The following PATJ variants were observed in gnomAD, a reference collection of about 807,000 sequenced individuals.
PATJ encodes PATJ crumbs cell polarity complex component, also known as inaD-like protein.
PATJ carries 190 observed loss-of-function variants against 224.9 expected under a neutral mutation model. That is an observed-to-expected ratio of 0.84 (90% CI 0.75 to 0.95). The LOEUF (loss-of-function observed/expected upper bound fraction) is 0.95, where lower values mean the gene tolerates loss of function less well. Among genes scored for constraint, PATJ ranks in the 40% least tolerant of loss-of-function variants. The pLI is 0.00. For missense variants in PATJ, 2,121 were observed against 2,270.3 expected, an observed-to-expected ratio of 0.93 and a Z score of 1.34; for synonymous variants, 769 against 820.3, an observed-to-expected ratio of 0.94 and a Z score of 1.07.
intron 27 of PATJ, among the ~76,000 whole-genome samples, chr1:61,934,031 G>T (rs565464551): frequency 6.6e-6 from 1 of 152,150 alleles, no homozygotes; most frequent in Admixed American, 6.6e-5. Flanking sequence ...TGCCTCCCGG[G>T]TTCAAGCAAT....
intron 26 of PATJ, among the ~76,000 whole-genome samples, chr1:61,924,747 A>G (rs1257930366): frequency 2.0e-5 from 3 of 152,230 alleles, no homozygotes; most frequent in African/African-American, 7.2e-5. Context: ...TTCACACTCA[A>G]AATGAAAGGT....
At chr1:61,776,689 A>T (rs1437760786) in intron 7 of PATJ, among the ~76,000 whole-genome samples, 1 of 151,420 alleles carries the variant, frequency 6.6e-6, no homozygotes, top group Non-Finnish European at 1.5e-5. Context: ...CTGAAGTTTG[A>T]TGGTTGTCTT....
At chr1:61,928,714 A>G (rs1675587538) in intron 27 of PATJ, among the ~76,000 whole-genome samples, 1 of 152,056 alleles carries the variant, frequency 6.6e-6, no homozygotes, top group Non-Finnish European at 1.5e-5. Context: ...CCTGCCACAT[A>G]GTGAGTCTTT....
At chr1:61,927,931 A>G (rs1246570311) in intron 27 of PATJ, 102 bp downstream of exon 27, 1 of 771,718 alleles carries the variant, frequency 1.3e-6, no homozygotes, top group East Asian at 2.7e-5. Context: ...TTCTTCAAAA[A>G]TGTGCATGAA....
At chr1:62,043,729 G>GC (rs1422649190) in intron 30 of PATJ, among the ~76,000 whole-genome samples, 3 of 151,456 alleles carry the variant, frequency 2.0e-5, no homozygotes, top group Admixed American at 6.6e-5. Context: ...TTTGGTTTGG[G>GC]GGGGGCAGTT....
At chr1:61,814,888 G>T (rs748061420) in intron 14 of PATJ, among the ~76,000 whole-genome samples, 1 of 152,116 alleles carries the variant, frequency 6.6e-6, no homozygotes, top group African/African-American at 2.4e-5. Context: ...TGGTAGCTTA[G>T]AATGCATTCA....
At chr1:61,918,721 AG>A (rs1673826002) in intron 26 of PATJ, among the ~76,000 whole-genome samples, 1 of 152,090 alleles carries the variant, frequency 6.6e-6, no homozygotes, top group South Asian at 2.1e-4. Flanking sequence ...CCAGAACTTT[AG>A]GAGGCCTAAG....
At chr1:62,121,891 T>G (rs181984847) in intron 38 of PATJ, among the ~76,000 whole-genome samples, 5 of 152,002 alleles carry the variant, frequency 3.3e-5, no homozygotes, top group African/African-American at 1.2e-4. Flanking sequence ...AATTAATAAA[T>G]TACAGGTCAC....
intron 33 of PATJ, among the ~76,000 whole-genome samples, chr1:62,103,812 G>A (rs1320770410): frequency 2.0e-5 from 3 of 151,142 alleles, no homozygotes; most frequent in East Asian, 1.9e-4. Context: ...CGCACTGTAC[G>A]TAAAGCCTTA....
At chr1:61,790,133 G>A (rs1405249583) in intron 8 of PATJ, among the ~76,000 whole-genome samples, 1 of 147,432 alleles carries the variant, frequency 6.8e-6, no homozygotes, top group Admixed American at 6.9e-5. Flanking sequence ...GAGGCCAGGA[G>A]TTTGAGGTTG....
intron 29 of PATJ, among the ~76,000 whole-genome samples, chr1:62,024,740 T>G (rs1242200668): frequency 3.3e-5 from 5 of 151,190 alleles, no homozygotes; most frequent in Non-Finnish European, 7.4e-5. Context: ...TCTAGATGCC[T>G]GTCTCCCTCT....
At position 62,116,717 on chromosome 1, in the gene PATJ, C is replaced by T. The variant is rs764752190; in HGVS notation, c.4803+38C>T. 37 of 1,581,298 alleles carry T rather than the reference C, an allele frequency of 2.3e-5. No homozygotes were observed. The South Asian group carries it at 4.0e-4, about 17-fold the overall frequency. Reference sequence around the variant, plus strand: ...GCTGCTTTTTACCCAGCTGGCACAACTGAAGTCCAGTGGGAACTGTTCCAG... The same window carrying T: ...GCTGCTTTTTACCCAGCTGGCACAATTGAAGTCCAGTGGGAACTGTTCCAG... On this transcript the variant is annotated intron_variant, in intron 36 of 43. Coordinates refer to ENST00000642238, the MANE Select transcript of PATJ (RefSeq NM_001350145.3).
intron 7 of PATJ, among the ~76,000 whole-genome samples, chr1:61,778,459 C>T (rs1301407937): frequency 6.6e-6 from 1 of 152,148 alleles, no homozygotes; most frequent in African/African-American, 2.4e-5. Flanking sequence ...TACATTGTAA[C>T]TGTATAAGAA....
intron 29 of PATJ, among the ~76,000 whole-genome samples, chr1:62,028,663 G>T (rs1648528603): frequency 6.6e-6 from 1 of 152,042 alleles, no homozygotes; most frequent in African/African-American, 2.4e-5. Flanking sequence ...CACACCTGTG[G>T]TCCCAGTTTC....
rs77492900 is a variant in PATJ at position 61,815,863 on chromosome 1, C to T, written c.1684-7082C>T. On this transcript the variant is annotated intron_variant, in intron 14 of 43. Transcript: ENST00000642238. ...AATCATGACACAAGAACAGTTTTCC[C>T]GCATCTAGGGAGACTTGCACTTTTA... Among the ~76,000 whole-genome samples, 719 of 152,204 alleles carry T rather than the reference C, an allele frequency of 4.7e-3. 2 individuals carry two copies. Among genetic ancestry groups the T allele is most frequent in the Non-Finnish European group, 7.5e-3 (509 of 67,992 alleles).
chr1:61,814,436 C>T (rs1655619573), intron 14 of PATJ, among the ~76,000 whole-genome samples: 1 of 151,980 alleles, frequency 6.6e-6, no homozygotes, highest in Non-Finnish European at 1.5e-5. Context: ...AGCCACCGTG[C>T]CCGGCCGCAT....
At chr1:62,089,291 C>T (rs1324101893) in intron 33 of PATJ, among the ~76,000 whole-genome samples, 5 of 151,710 alleles carry the variant, frequency 3.3e-5, no homozygotes, top group African/African-American at 1.2e-4. Flanking sequence ...TGGCTGATAG[C>T]TTGAGGGTTT....
Position 61,808,465 on chromosome 1 carries a change from T to C in PATJ, c.1627-9T>C. ...TTACAAATACTGGAAATTTTTTTTG[T>C]AAATTTAGGTTGCTACTTTGGACAC... is the stretch of plus-strand genomic sequence containing the variant. On this transcript the variant is annotated splice_polypyrimidine_tract_variant and intron_variant, in intron 13 of 43. Transcript: ENST00000642238. The C allele has an allele frequency of 6.3e-7, 1 of 1,585,162 alleles. No homozygotes were observed. The highest frequency in any genetic ancestry group is 8.7e-7 in the Non-Finnish European group (1 of 1,155,916).
chr1:62,014,899 G>C (rs1483899442), intron 28 of PATJ, among the ~76,000 whole-genome samples: 4 of 152,010 alleles, frequency 2.6e-5, no homozygotes, highest in Non-Finnish European at 4.4e-5. Flanking sequence ...TTCCCTTGTA[G>C]CTAAGTAGGT....
Sources: allele counts gnomAD v4.1 joint callset (sites outside exome capture counted in the v4.1 genomes callset), GRCh38; gene constraint gnomAD v4.1.1; transcripts MANE v1.5; gene names NCBI Gene and HGNC (gene_info 2026-07-23, HGNC 2026-07-21).